RAI14: variants seen among roughly 807,000 people sequenced by gnomAD.
RAI14 encodes retinoic acid induced 14.
In RAI14, 45 loss-of-function variants were observed where a neutral mutation model predicts 115.4. That is an observed-to-expected ratio of 0.39 (90% CI 0.31 to 0.50). The LOEUF is 0.50. Ranked by LOEUF, RAI14 falls within the 20% of genes least tolerant of loss-of-function variation. The pLI, the probability that RAI14 is intolerant of heterozygous loss-of-function variation, is 0.85. For synonymous variants in RAI14, 371 were observed against 415.4 expected, an observed-to-expected ratio of 0.89 and a Z score of 1.30; for missense variants, 939 against 1,131.2, an observed-to-expected ratio of 0.83 and a Z score of 2.44.
At chr5:34,659,224 A>G (rs1163766222) in intron 1 of RAI14, among the ~76,000 whole-genome samples, 1 of 152,216 alleles carries the variant, frequency 6.6e-6, no homozygotes, top group Non-Finnish European at 1.5e-5. Flanking sequence ...AAAAAAGTAT[A>G]GTATATTTAC....
At chr5:34,684,882 G>C (rs1744690047) in intron 1 of RAI14, 1 of 152,200 alleles carries the variant, frequency 6.6e-6, no homozygotes, top group Non-Finnish European at 1.5e-5. Context: ...CTATTCCTCA[G>C]TTCTCCTCTG....
chr5:34,748,630 G>A (rs1350506383), intron 2 of RAI14, among the ~76,000 whole-genome samples: 1 of 151,930 alleles, frequency 6.6e-6, no homozygotes, highest in Non-Finnish European at 1.5e-5. Flanking sequence ...ATCCTATTTT[G>A]CATTGTTGGC....
intron 5 of RAI14, among the ~76,000 whole-genome samples, chr5:34,807,003 T>C (rs763310791): frequency 6.6e-6 from 1 of 152,198 alleles, no homozygotes; most frequent in Non-Finnish European, 1.5e-5. Flanking sequence ...CCTCGTGTTG[T>C]TAGGGGACAT....
intron 2 of RAI14, among the ~76,000 whole-genome samples, chr5:34,751,320 T>C (rs1020454500): frequency 6.6e-6 from 1 of 151,534 alleles, no homozygotes; most frequent in African/African-American, 2.4e-5. Flanking sequence ...TTTTGTACTT[T>C]TAGTAGAGAC....
At chr5:34,809,614 T>G (rs1247730016) in intron 7 of RAI14, among the ~76,000 whole-genome samples, 3 of 152,050 alleles carry the variant, frequency 2.0e-5, no homozygotes, top group Admixed American at 1.3e-4. Flanking sequence ...TGCACTTTTT[T>G]TTTTTTTTCT....
chr5:34,681,727 G>A (rs1024337268), intron 1 of RAI14, among the ~76,000 whole-genome samples: 13 of 151,722 alleles, frequency 8.6e-5, no homozygotes, highest in African/African-American at 2.4e-4. Flanking sequence ...TTGAATGCTT[G>A]GTCTCAAGCA....
Position 34,823,727 on chromosome 5 carries a change from G to T in RAI14, c.1885G>T (p.Asp629Tyr). The T allele has an allele frequency of 6.2e-7, 1 of 1,614,166 alleles. No homozygotes were observed. Among genetic ancestry groups the T allele is most frequent in the South Asian group, 1.1e-5 (1 of 91,064 alleles). Residue 629 changes from aspartate to tyrosine, a missense_variant, in exon 15 of 18, where the codon GAC becomes TAC. Transcript: ENST00000265109. The surrounding 1 kb of genome is among the most constrained non-coding windows in gnomAD (Gnocchi z 4.5). ...MTQEASDEAE[D>Y]MKEAMNRMID... is the part of the protein sequence containing the mutation. Reference sequence around the variant, plus strand: ...ACAGGAAGCCAGTGATGAAGCTGAGGACATGAAAGAAGCCATGAATAGGAT... The same window carrying T: ...ACAGGAAGCCAGTGATGAAGCTGAGTACATGAAAGAAGCCATGAATAGGAT...
At chr5:34,822,250 G>GTATGTATATATA (rs1554012471) in intron 14 of RAI14, among the ~76,000 whole-genome samples, 88 of 134,724 alleles carry the variant, frequency 6.5e-4, no homozygotes, top group African/African-American at 2.4e-3. Flanking sequence ...ATGTGTGTAT[G>GTATGTATATATA]TATATATATA....
chr5:34,804,009 G>A (rs1189848912), intron 5 of RAI14, among the ~76,000 whole-genome samples: 2 of 152,084 alleles, frequency 1.3e-5, no homozygotes, highest in African/African-American at 2.4e-5. Context: ...TCTTTTTTGG[G>A]ATCTAGCCTT....
At chr5:34,725,968 A>AG (rs1743407613) in intron 2 of RAI14, among the ~76,000 whole-genome samples, 1 of 151,888 alleles carries the variant, frequency 6.6e-6, no homozygotes, top group African/African-American at 2.4e-5. Flanking sequence ...TTCTCAAAAA[A>AG]AAAAAAAAAA....
intron 2 of RAI14, among the ~76,000 whole-genome samples, chr5:34,691,777 C>G (rs1362266715): frequency 6.6e-6 from 1 of 152,078 alleles, no homozygotes; most frequent in Non-Finnish European, 1.5e-5. Context: ...AAGTAGCGGA[C>G]ATTCCATTAA....
chr5:34,673,679 A>C (rs1404466216), intron 1 of RAI14, among the ~76,000 whole-genome samples: 1 of 152,138 alleles, frequency 6.6e-6, no homozygotes, highest in Non-Finnish European at 1.5e-5. Flanking sequence ...ATGTGACCCC[A>C]CATCCTGTGC....
At chr5:34,815,121 G>A (rs1372295789) in intron 12 of RAI14, among the ~76,000 whole-genome samples, 2 of 151,908 alleles carry the variant, frequency 1.3e-5, no homozygotes, top group African/African-American at 4.8e-5. Context: ...GGTGGCTCAC[G>A]CCTGTAATCC....
At position 34,826,388 on chromosome 5, in the gene RAI14, A is replaced by G. The variant is rs1716708923; in HGVS notation, c.2708A>G (p.Gln903Arg). Residue 903 changes from glutamine to arginine, a missense_variant, in exon 16 of 18, where the codon CAG becomes CGG. Gln to Arg is a conservative substitution (Grantham distance 43). Transcript: ENST00000265109. ...KLKEALNSLSQLSYSTSSSKR... is the reference protein window; with the variant it reads ...KLKEALNSLSRLSYSTSSSKR... ...AAGGAGGCCTTGAACAGCCTCTCCC[A>G]GCTCTCCTACTCAACAAGCTCATCC... is the stretch of plus-strand genomic sequence containing the variant. 6.2e-7 allele frequency: 1 copy of G among 1,614,154 alleles called. No individual in the cohort carries two copies. Among genetic ancestry groups the G allele is most frequent in the Non-Finnish European group, 8.5e-7 (1 of 1,179,992 alleles).
At chr5:34,772,211 T>C (rs1045175343) in intron 3 of RAI14, among the ~76,000 whole-genome samples, 5 of 152,142 alleles carry the variant, frequency 3.3e-5, no homozygotes, top group Non-Finnish European at 7.4e-5. Flanking sequence ...CTGCCCCCAG[T>C]TGTGTGCATA....
rs1561326626 is a variant in RAI14 at position 34,762,564 on chromosome 5, G to A, written c.167+4966G>A. ...AAAAAGTAAAAGCAATTGAATGACTGGAATTCATTTAGGAAAAGAATAAAG... is the reference window on the plus strand; with the variant it reads ...AAAAAGTAAAAGCAATTGAATGACTAGAATTCATTTAGGAAAAGAATAAAG... On this transcript the variant is annotated intron_variant, in intron 3 of 17. Coordinates refer to ENST00000265109, the MANE Select transcript of RAI14 (RefSeq NM_015577.3). Among the ~76,000 whole-genome samples, 8 of 152,284 alleles carry A rather than the reference G, an allele frequency of 5.3e-5. No homozygotes were observed. In the South Asian group the frequency reaches 1.5e-3, roughly 28 times the overall value.
At chr5:34,756,781 A>G (rs10045712) in intron 2 of RAI14, among the ~76,000 whole-genome samples, 40,089 of 152,156 alleles carry the variant, frequency 0.26, 5,491 homozygotes, top group Middle Eastern at 0.34. Context: ...AGTTTTGCAC[A>G]TACGAGTGCC....
chr5:34,784,040 C>T (rs973728889), intron 3 of RAI14, among the ~76,000 whole-genome samples: 12 of 152,178 alleles, frequency 7.9e-5, no homozygotes, highest in Non-Finnish European at 1.5e-4. Flanking sequence ...TTCCAATCCT[C>T]GAGGATTAAC....
At chr5:34,795,856 C>CG (rs549966089) in intron 3 of RAI14, 83 bp from the exon 4 acceptor site, 16 of 833,866 alleles carry the variant, frequency 1.9e-5, no homozygotes, top group Middle Eastern at 2.6e-4. Flanking sequence ...CATGAAATGG[C>CG]GGGGGGCGGG....
Sources: allele counts gnomAD v4.1 joint callset (sites outside exome capture counted in the v4.1 genomes callset), GRCh38; gene constraint gnomAD v4.1.1; non-coding constraint Gnocchi (gnomAD v3.1); transcripts MANE v1.5; gene names NCBI Gene and HGNC (gene_info 2026-07-23, HGNC 2026-07-21).